BDP1: variants seen among roughly 807,000 people sequenced by gnomAD.
The protein encoded by BDP1 is BDP1 general transcription factor IIIB subunit, also known as transcription factor TFIIIB component B'' homolog.
In BDP1, 169 loss-of-function variants were observed where a neutral mutation model predicts 266.6. The observed-to-expected ratio is 0.63, with a 90% CI of 0.56 to 0.72. The LOEUF (loss-of-function observed/expected upper bound fraction) is 0.72, where lower values mean the gene tolerates loss of function less well. BDP1 is among the 30% of genes least tolerant of loss of function. The pLI is 0.00. For missense variants in BDP1, 3,015 were observed against 3,053.8 expected, an observed-to-expected ratio of 0.99 and a Z score of 0.30; for synonymous variants, 1,090 against 1,022.4, an observed-to-expected ratio of 1.07 and a Z score of -1.26.
At chr5:71,462,073 C>T in intron 3 of BDP1, 147 bp downstream of exon 3, 3 of 574,580 alleles carry the variant, frequency 5.2e-6, no homozygotes, top group Non-Finnish European at 6.3e-6. Flanking sequence ...AGCGATTCTC[C>T]TGCCTCAGAT....
At chr5:71,497,059 T>C (rs1468577757) in intron 12 of BDP1, among the ~76,000 whole-genome samples, 1 of 152,244 alleles carries the variant, frequency 6.6e-6, no homozygotes, top group African/African-American at 2.4e-5. Context: ...TGTTTATTCA[T>C]ATGTTAGTAC....
chr5:71,536,727 G>A (rs1405554276), intron 26 of BDP1, among the ~76,000 whole-genome samples: 2 of 152,122 alleles, frequency 1.3e-5, no homozygotes, highest in South Asian at 4.1e-4. Flanking sequence ...CTACTGTGGA[G>A]GCTGAGGCAG....
chr5:71,564,630 T>G (rs1466026783), intron 38 of BDP1, 124 bp from the exon 39 acceptor site: 1 of 820,636 alleles, frequency 1.2e-6, no homozygotes, highest in Non-Finnish European at 1.8e-6. Flanking sequence ...TAAAGCTCAA[T>G]ATTTATTGCC....
chr5:71,488,157 A>T (rs926065897), intron 9 of BDP1, among the ~76,000 whole-genome samples: 11 of 151,858 alleles, frequency 7.2e-5, no homozygotes, highest in African/African-American at 2.7e-4. Context: ...ACAGGGTCTC[A>T]CTTTGTTGCC....
chr5:71,552,226 G>A (rs1298554225), intron 34 of BDP1, among the ~76,000 whole-genome samples: 15 of 151,026 alleles, frequency 9.9e-5, no homozygotes, highest in South Asian at 4.2e-4. Flanking sequence ...CAGACGGGGC[G>A]GCGGGGCAGA....
At chr5:71,507,113 C>A (rs900443975) in intron 16 of BDP1, among the ~76,000 whole-genome samples, 5 of 152,218 alleles carry the variant, frequency 3.3e-5, no homozygotes, top group East Asian at 3.9e-4. Context: ...TGAGCCACCA[C>A]GCCTGGCCAT....
chr5:71,462,151 C>T (rs1761617659), intron 3 of BDP1, among the ~76,000 whole-genome samples: 1 of 151,974 alleles, frequency 6.6e-6, no homozygotes, highest in Non-Finnish European at 1.5e-5. Flanking sequence ...TTAGTAGAGA[C>T]TGGGTTTCGC....
chr5:71,539,018 G>T (rs1766800160), intron 26 of BDP1, 24 bp from the exon 27 acceptor site: 1 of 1,521,228 alleles, frequency 6.6e-7, no homozygotes, highest in African/African-American at 1.4e-5. Context: ...ATTTTAAGAT[G>T]TTACTTATTT....
At chr5:71,472,501 A>G (rs1413839559) in intron 7 of BDP1, among the ~76,000 whole-genome samples, 4 of 152,184 alleles carry the variant, frequency 2.6e-5, no homozygotes, top group Admixed American at 1.3e-4. Context: ...ACTGAATTAC[A>G]TTACCTTGAT....
intron 10 of BDP1, among the ~76,000 whole-genome samples, chr5:71,490,181 G>C (rs1381168009): frequency 6.6e-6 from 1 of 152,076 alleles, no homozygotes; most frequent in Non-Finnish European, 1.5e-5. Flanking sequence ...GGGGAGTCTT[G>C]GTCCCTTTCC....
At chr5:71,502,874 C>A (rs1764338834) in intron 15 of BDP1, 83 bp downstream of exon 15, 1 of 842,914 alleles carries the variant, frequency 1.2e-6, no homozygotes, top group Non-Finnish European at 1.9e-6. Flanking sequence ...CACATACTTA[C>A]ATACATACAT....
chr5:71,518,355 T>G (rs277946), intron 22 of BDP1, among the ~76,000 whole-genome samples: 1 of 152,040 alleles, frequency 6.6e-6, no homozygotes, highest in Non-Finnish European at 1.5e-5. Flanking sequence ...GATGTTATTG[T>G]ATCCTTTTTT....
chr5:71,471,320 T>A (rs766517494), intron 7 of BDP1, among the ~76,000 whole-genome samples: 1 of 152,002 alleles, frequency 6.6e-6, no homozygotes, highest in Non-Finnish European at 1.5e-5. Context: ...TTTTTTATTT[T>A]TCGTAGAGAG....
chr5:71,513,088 A>T (rs1477513440), intron 18 of BDP1, 97 bp from the exon 19 acceptor site: 5 of 659,254 alleles, frequency 7.6e-6, no homozygotes, highest in Non-Finnish European at 1.2e-5. Context: ...AAAAAAAAAA[A>T]TTAAATGTTT....
chr5:71,464,146 A>G, intron 4 of BDP1, 29 bp downstream of exon 4: 2 of 1,340,608 alleles, frequency 1.5e-6, no homozygotes, highest in Non-Finnish European at 1.0e-6. Flanking sequence ...AATATATTCT[A>G]TTCCTACATT....
At chr5:71,501,686 A>G in intron 14 of BDP1, 33 bp downstream of exon 14, 1 of 1,199,140 alleles carries the variant, frequency 8.3e-7, no homozygotes, top group Non-Finnish European at 1.2e-6. Context: ...AAAAAAAAAA[A>G]AAAAAAAGTA....
intron 30 of BDP1, 32 bp from the exon 31 acceptor site, chr5:71,544,325 G>T: frequency 1.3e-6 from 2 of 1,588,282 alleles, no homozygotes; most frequent in Non-Finnish European, 1.7e-6. Flanking sequence ...GTATTATTTT[G>T]GTCTATATCG....
chr5:71,502,928 G>A (rs1199655938), intron 15 of BDP1, 137 bp downstream of exon 15: 7 of 685,264 alleles, frequency 1.0e-5, no homozygotes, highest in South Asian at 2.6e-5. Flanking sequence ...TTGCTCTGTC[G>A]CCCAGGCTGG....
At chr5:71,539,771 C>A in intron 28 of BDP1, 122 bp downstream of exon 28, 2 of 604,216 alleles carry the variant, frequency 3.3e-6, no homozygotes, top group Admixed American at 3.1e-5. Context: ...TGTTGTTCTT[C>A]CATAAAATAT....
Sources: allele counts gnomAD v4.1 joint callset (sites outside exome capture counted in the v4.1 genomes callset), GRCh38; gene constraint gnomAD v4.1.1; transcripts MANE v1.5; gene names NCBI Gene and HGNC (gene_info 2026-07-23, HGNC 2026-07-21).